SLC2A5: variants seen among roughly 807,000 people sequenced by gnomAD.
The protein encoded by SLC2A5 is solute carrier family 2 member 5.
Under a neutral mutation model 50.3 loss-of-function variants are expected in SLC2A5, and 56 were observed. That is an observed-to-expected ratio of 1.11 (90% confidence interval 0.90 to 1.39). The LOEUF is 1.39. SLC2A5 is among the 40% of genes most tolerant of loss of function. The pLI is 0.00. For missense variants in SLC2A5, 566 were observed against 650.1 expected, an observed-to-expected ratio of 0.87 and a Z score of 1.41; for synonymous variants, 269 against 281.9, an observed-to-expected ratio of 0.95 and a Z score of 0.46.
chr1:9,083,633 G>T (rs1642375426), intron 2 of SLC2A5, among the ~76,000 whole-genome samples: 1 of 151,804 alleles, frequency 6.6e-6, no homozygotes, highest in Non-Finnish European at 1.5e-5. Context: ...GACCGGCCTG[G>T]CCAAAATGGT....
intron 1 of SLC2A5, among the ~76,000 whole-genome samples, chr1:9,085,634 T>C (rs894147578): frequency 2.0e-5 from 3 of 152,224 alleles, no homozygotes; most frequent in Admixed American, 1.3e-4. Flanking sequence ...ACTTCCATTA[T>C]GGCCTGAAAC....
upstream of SLC2A5, among the ~76,000 whole-genome samples, chr1:9,089,985 T>C (rs2124492169): frequency 6.6e-6 from 1 of 152,310 alleles, no homozygotes; most frequent in South Asian, 2.1e-4. Flanking sequence ...CTATCAGTAT[T>C]AACTGAATAT....
At chr1:9,094,192 G>A in the SLC2A5 span, among the ~76,000 whole-genome samples, 8 of 152,162 alleles carry the variant, frequency 5.3e-5, no homozygotes, top group Non-Finnish European at 7.3e-5. Flanking sequence ...TGCCTGAAGC[G>A]AACGGAGCAT....
chr1:9,061,605 C>CAAAA (rs3083086), intron 1 of SLC2A5, among the ~76,000 whole-genome samples: 5 of 142,982 alleles, frequency 3.5e-5, no homozygotes, highest in East Asian at 2.2e-4. Context: ...GACCCTGTCT[C>CAAAA]AAAAAAAAAA....
intron 2 of SLC2A5, among the ~76,000 whole-genome samples, chr1:9,083,128 C>A (rs1195266621): frequency 6.6e-6 from 1 of 152,096 alleles, no homozygotes; most frequent in Non-Finnish European, 1.5e-5. Context: ...GACTCTGTCT[C>A]AAAAAAATTG....
intron 1 of SLC2A5, among the ~76,000 whole-genome samples, chr1:9,067,411 G>T (rs942186013): frequency 1.8e-4 from 27 of 152,152 alleles, no homozygotes; most frequent in African/African-American, 6.5e-4. Context: ...ATTTCCTTTC[G>T]CAATGTGTTA....
chr1:9,058,499 T>A (rs1422694680), intron 1 of SLC2A5, among the ~76,000 whole-genome samples: 3 of 152,212 alleles, frequency 2.0e-5, no homozygotes, highest in African/African-American at 7.2e-5. Flanking sequence ...GTTTACAGCA[T>A]CCTGTGAACA....
intron 3 of SLC2A5, among the ~76,000 whole-genome samples, chr1:9,055,006 TA>T (rs1308913412): frequency 6.6e-6 from 1 of 152,128 alleles, no homozygotes; most frequent in Non-Finnish European, 1.5e-5. Context: ...TTGAAGACTT[TA>T]AAATTTTGCA....
rs1427039024 is a variant in SLC2A5 at position 9,039,639 on chromosome 1, G to C, written c.909C>G (p.Ile303Met). 3 of 1,558,398 alleles carry C rather than the reference G, an allele frequency of 1.9e-6. No homozygotes were observed. Among genetic ancestry groups the C allele is most frequent in the South Asian group, 2.4e-5 (2 of 84,710 alleles). Reference protein sequence around the residue: ...VNAIYYYADQIYLSAGVPEEH... With the variant: ...VNAIYYYADQMYLSAGVPEEH... ...CCTCCGGCACGCCGGCGCTCAGGTA[G>C]ATCTGGTCCGCGTAGTAGTAGATCT... The change falls in exon 8 of 12, where the codon ATC (isoleucine) becomes ATG (methionine). Residue 303 changes from isoleucine (I) to methionine (M), a missense_variant. Transcript: ENST00000377424.
chr1:9,057,591 G>A lies in SLC2A5; in HGVS notation c.150C>T (p.Tyr50=). 1 of 1,612,204 alleles carries A rather than the reference G, an allele frequency of 6.2e-7. No individual in the cohort carries two copies. Among genetic ancestry groups the A allele is most frequent in the Non-Finnish European group, 8.5e-7 (1 of 1,179,454 alleles). Residue 50 remains tyrosine (Y), a synonymous_variant, in exon 3 of 12, where the codon TAC becomes TAT. Transcript: ENST00000377424. ...NSPALLMQQF[Y]NETYYGRTGE... ...CGGTCCTACCATAGTAAGTCTCATT[G>A]TAAAATTGTTGCATGAGCTAGGAGA...
At chr1:9,075,665 A>T (rs1642274042) in intron 2 of SLC2A5, among the ~76,000 whole-genome samples, 1 of 147,366 alleles carries the variant, frequency 6.8e-6, no homozygotes. Context: ...TGGATTTTCA[A>T]TTTTTTTTTT....
At chr1:9,087,148 T>G (rs1642408586) in intron 1 of SLC2A5, among the ~76,000 whole-genome samples, 1 of 152,148 alleles carries the variant, frequency 6.6e-6, no homozygotes, top group Admixed American at 6.5e-5. Flanking sequence ...TCAGGTTTGT[T>G]TTCTCTAAAA....
chr1:9,079,741 C>T (rs1018300297), intron 2 of SLC2A5, among the ~76,000 whole-genome samples: 1 of 152,212 alleles, frequency 6.6e-6, no homozygotes, highest in Non-Finnish European at 1.5e-5. Flanking sequence ...CCCACCTTGG[C>T]CTCCCAAAGT....
At chr1:9,038,105 A>G (rs1300535708) in intron 10 of SLC2A5, 81 bp from the exon 11 acceptor site, 2 of 1,524,122 alleles carry the variant, frequency 1.3e-6, no homozygotes, top group African/African-American at 2.7e-5. Context: ...CCCACCAGGT[A>G]GCTGGCCCCA....
chr1:9,086,331 A>G (rs1328820620), intron 1 of SLC2A5, among the ~76,000 whole-genome samples: 1 of 151,628 alleles, frequency 6.6e-6, no homozygotes, highest in Non-Finnish European at 1.5e-5. Flanking sequence ...AGAGGGAGTT[A>G]CCACTCAAAT....
chr1:9,041,600 C>T (rs1053362386), intron 5 of SLC2A5, 185 bp downstream of exon 5: 49 of 1,447,752 alleles, frequency 3.4e-5, no homozygotes, highest in Middle Eastern at 3.6e-4. Flanking sequence ...AGTCCCTTAT[C>T]GCGCCTTTGT....
chr1:9,057,368 G>T, intron 3 of SLC2A5, 80 bp downstream of exon 3: 1 of 900,348 alleles, frequency 1.1e-6, no homozygotes, highest in Non-Finnish European at 1.7e-6. Context: ...CTCATGGTAA[G>T]GATTTCAGTT....
chr1:9,065,974 T>C (rs1642070900), intron 1 of SLC2A5, among the ~76,000 whole-genome samples: 1 of 152,102 alleles, frequency 6.6e-6, no homozygotes, highest in South Asian at 2.1e-4. Context: ...AGGATAATGA[T>C]ACCACCACAG....
intron 4 of SLC2A5, among the ~76,000 whole-genome samples, chr1:9,045,246 G>A (rs1489850491): frequency 1.3e-5 from 2 of 152,008 alleles, no homozygotes; most frequent in African/African-American, 4.8e-5. Flanking sequence ...CATGTAATAG[G>A]CTTATTTTAA....
Sources: gnomAD v4.1 joint callset for allele counts (sites outside exome capture counted in the v4.1 genomes callset) on GRCh38, gnomAD v4.1.1 for gene constraint, MANE v1.5 for transcripts, NCBI Gene and HGNC (gene_info 2026-07-23, HGNC 2026-07-21) for gene names.